The following PPIE variants were observed in gnomAD, a reference collection of about 807,000 sequenced individuals.
PPIE encodes peptidylprolyl isomerase E, also known as peptidyl-prolyl cis-trans isomerase E.
A neutral mutation model predicts 38.4 loss-of-function variants in PPIE; 20 were observed. That is an observed-to-expected ratio of 0.52 (90% confidence interval 0.37 to 0.76). The LOEUF is 0.76. Ranked by LOEUF, PPIE falls within the 30% of genes least tolerant of loss-of-function variation. The probability of loss-of-function intolerance (pLI) is 0.00; values close to 1 mark genes in which losing one functional copy is unlikely to be tolerated. For missense variants in PPIE, 322 were observed against 385.8 expected, an observed-to-expected ratio of 0.83 and a Z score of 1.39; for synonymous variants, 142 against 135.7, an observed-to-expected ratio of 1.05 and a Z score of -0.32.
intron 9 of PPIE, chr1:39,762,413 A>G: frequency 7.2e-7 from 1 of 1,397,410 alleles, no homozygotes; most frequent in Non-Finnish European, 9.5e-7. Flanking sequence ...TCTAGGTAAA[A>G]AGTTCTAGAA....
chr1:39,753,171 G>A, intron 9 of PPIE, 116 bp from the exon 10 acceptor site: 1 of 1,585,292 alleles, frequency 6.3e-7, no homozygotes, highest in South Asian at 1.1e-5. Flanking sequence ...CAGCGGGAGG[G>A]GCTGCTGCTG....
At chr1:39,761,297 G>A (rs150725584), downstream of PPIE, 268 of 152,776 alleles carry the variant, frequency 1.8e-3, 2 homozygotes, top group East Asian at 7.9e-3. Flanking sequence ...CCCTTCCCTG[G>A]GAGCAGCCCC....
chr1:39,760,590 G>A, downstream of PPIE: 2 of 1,610,742 alleles, frequency 1.2e-6, no homozygotes, highest in Non-Finnish European at 1.7e-6. Flanking sequence ...GAGGGCACAG[G>A]CAGGGGCATG....
intron 6 of PPIE, among the ~76,000 whole-genome samples, 171 bp from the exon 7 acceptor site, chr1:39,745,204 C>G (rs981240617): frequency 6.6e-6 from 1 of 152,224 alleles, no homozygotes; most frequent in Non-Finnish European, 1.5e-5. Flanking sequence ...CTGGGTGCTA[C>G]GGCCATGGCT....
At chr1:39,741,474 G>A (rs1413767500) in intron 3 of PPIE, 65 bp downstream of exon 3, 9 of 1,562,876 alleles carry the variant, frequency 5.8e-6, no homozygotes, top group Non-Finnish European at 7.1e-6. Context: ...TACAAAGGAA[G>A]CTTTTCACCA....
chr1:39,760,382 T>G (rs1453115599), downstream of PPIE: 8 of 1,611,278 alleles, frequency 5.0e-6, no homozygotes, highest in East Asian at 1.8e-4. Context: ...CCGATCCAGA[T>G]GAGAAGGGTG....
At chr1:39,760,456 T>G, downstream of PPIE, 1 of 1,614,140 alleles carries the variant, frequency 6.2e-7, no homozygotes, top group Non-Finnish European at 8.5e-7. Flanking sequence ...CATGTTGCGG[T>G]GCTTGCGCAG....
intron 8 of PPIE, among the ~76,000 whole-genome samples, chr1:39,751,930 TCTA>T (rs1647773883): frequency 6.6e-6 from 1 of 151,882 alleles, no homozygotes; most frequent in Non-Finnish European, 1.5e-5. Context: ...AGACCCTATA[TCTA>T]CTGAAAAAAG....
intron 7 of PPIE, chr1:39,748,464 G>A (rs1647351706): frequency 5.9e-6 from 1 of 169,806 alleles, no homozygotes; most frequent in Non-Finnish European, 1.3e-5. Context: ...CTGGCCAGGT[G>A]TGGTGGTTTA....
chr1:39,756,707 T>A lies in PPIE; in HGVS notation c.*3352T>A. On this transcript the variant is annotated 3_prime_UTR_variant, in exon 10 of 10. Coordinates refer to ENST00000324379, the MANE Select transcript of PPIE (RefSeq NM_006112.4). ...ATTTTGTAAAAATATCTGTAATATGTAAGCATAGGTATTTGTATATCTTAA... is the reference window on the plus strand; with the variant it reads ...ATTTTGTAAAAATATCTGTAATATGAAAGCATAGGTATTTGTATATCTTAA... 1 of 638,538 alleles carries A rather than the reference T, an allele frequency of 1.6e-6. No individual in the cohort carries two copies. Among genetic ancestry groups the A allele is most frequent in the Non-Finnish European group, 1.9e-6 (1 of 513,236 alleles). The allele number at this position is 638,538 out of a possible 1,614,324, so 39.6% of individuals were successfully genotyped here.
At chr1:39,760,129 C>A, downstream of PPIE, 2 of 470,456 alleles carry the variant, frequency 4.3e-6, no homozygotes, top group South Asian at 2.5e-5. Flanking sequence ...CTGTGCCAAC[C>A]CCAAAGAACC....
At chr1:39,762,407 G>C (rs1649117680) in intron 9 of PPIE, 4 of 1,369,234 alleles carry the variant, frequency 2.9e-6, no homozygotes, top group Non-Finnish European at 3.9e-6. Flanking sequence ...TGGGATTCTA[G>C]GTAAAAAGTT....
intron 9 of PPIE, 96 bp from the exon 10 acceptor site, chr1:39,753,191 C>G: frequency 6.3e-7 from 1 of 1,587,504 alleles, no homozygotes; most frequent in Non-Finnish European, 8.6e-7. Flanking sequence ...GCCCAGGTTC[C>G]GGGGTGGAAG....
chr1:39,754,130 T>G lies in PPIE; in HGVS notation c.*775T>G. On this transcript the variant is annotated 3_prime_UTR_variant, in exon 10 of 10. Transcript: ENST00000324379. Reference sequence around the variant, plus strand: ...CATGTGCCTAATCCAGCCCACTGCCTGTTTTTATGAATCAGGTTTTATTGG... The same window carrying G: ...CATGTGCCTAATCCAGCCCACTGCCGGTTTTTATGAATCAGGTTTTATTGG... The G allele has an allele frequency of 1.1e-6, 1 of 925,950 alleles. No individual in the cohort carries two copies. Among genetic ancestry groups the G allele is most frequent in the Non-Finnish European group, 1.3e-6 (1 of 775,924 alleles). The allele number at this position is 925,950 out of a possible 1,614,324, so 57.4% of individuals were successfully genotyped here.
intron 9 of PPIE, 25 bp from the exon 10 acceptor site, chr1:39,753,262 C>G (rs1647941359): frequency 6.2e-7 from 1 of 1,612,978 alleles, no homozygotes; most frequent in East Asian, 2.2e-5. Context: ...CGGCCTTACT[C>G]CCTCACTTCT....
intron 8 of PPIE, 96 bp downstream of exon 8, chr1:39,749,184 C>A (rs1335604056): frequency 1.5e-6 from 2 of 1,326,764 alleles, no homozygotes; most frequent in Non-Finnish European, 2.1e-6. Context: ...GGCTGGCGGA[C>A]ACTAAGAGTC....
Position 39,755,323 on chromosome 1 carries a change from CT to C in PPIE, c.*1969del. On this transcript the variant is annotated 3_prime_UTR_variant, in exon 10 of 10. Transcript: ENST00000324379. ...GGTGGTCCTCATGACCCTAGGATAG[CT>C]CTTGCTGAGGGATGGTGGCATTCTG... 1 of 985,464 alleles carries C rather than the reference CT, an allele frequency of 1.0e-6. No homozygotes were observed. The highest frequency in any genetic ancestry group is 1.2e-6 in the Non-Finnish European group (1 of 829,936). 61.0% of individuals were successfully genotyped at this position (985,464 alleles called of 1,614,324 possible). A position where few individuals can be genotyped will look rare whatever the true frequency, so the allele number is the denominator to read the frequency against.
chr1:39,745,472 G>A lies in PPIE; in HGVS notation c.482G>A (p.Arg161His), dbSNP rs776933148. The A allele has an allele frequency of 1.2e-5, 20 of 1,614,112 alleles. No individual in the cohort carries two copies. Among genetic ancestry groups the A allele is most frequent in the South Asian group, 4.4e-5 (4 of 91,082 alleles). ...KPAGRIQMLLRSDVVPMTAEN... is the reference protein window; with the variant it reads ...KPAGRIQMLLHSDVVPMTAEN... Reference sequence around the variant, plus strand: ...GCTGGCCGCATCCAGATGCTCCTGCGTTCTGATGTCGTGCCCATGACAGCA... The same window carrying A: ...GCTGGCCGCATCCAGATGCTCCTGCATTCTGATGTCGTGCCCATGACAGCA... The change falls in exon 7 of 10, where the codon CGT (arginine) becomes CAT (histidine). Residue 161 changes from arginine to histidine, a missense_variant. Coordinates refer to ENST00000324379, the MANE Select transcript of PPIE (RefSeq NM_006112.4).
chr1:39,760,476 G>A, downstream of PPIE: 1 of 1,614,182 alleles, frequency 6.2e-7, no homozygotes, highest in Non-Finnish European at 8.5e-7. Flanking sequence ...GGATGACATT[G>A]TTGCTGCTGT....
Sources: gnomAD v4.1 joint callset for allele counts (sites outside exome capture counted in the v4.1 genomes callset) on GRCh38, gnomAD v4.1.1 for gene constraint, MANE v1.5 for transcripts, NCBI Gene and HGNC (gene_info 2026-07-23, HGNC 2026-07-21) for gene names.